TLK1: variants seen among roughly 807,000 people sequenced by gnomAD.
TLK1 encodes the protein tousled like kinase 1.
A neutral mutation model predicts 105.3 loss-of-function variants in TLK1; 24 were observed. The observed-to-expected ratio is 0.23, with a 90% CI of 0.17 to 0.32. The LOEUF (loss-of-function observed/expected upper bound fraction) is 0.32, where lower values mean the gene tolerates loss of function less well. Among genes scored for constraint, TLK1 ranks in the 10% least tolerant of loss-of-function variants. TLK1 has a pLI of 1.00. For missense variants in TLK1, 558 were observed against 910.5 expected, an observed-to-expected ratio of 0.61 and a Z score of 4.98; for synonymous variants, 321 against 310.4, an observed-to-expected ratio of 1.03 and a Z score of -0.36.
intron 14 of TLK1, among the ~76,000 whole-genome samples, chr2:171,010,264 T>A (rs1054178007): frequency 6.6e-6 from 1 of 151,902 alleles, no homozygotes; most frequent in Non-Finnish European, 1.5e-5. Flanking sequence ...ATACGATGGT[T>A]TTTGTGTTTT....
At chr2:171,154,497 T>A (rs974050946) in intron 1 of TLK1, 1 of 152,152 alleles carries the variant, frequency 6.6e-6, no homozygotes, top group Non-Finnish European at 1.5e-5. Flanking sequence ...AATTATCTGC[T>A]TCCTCATCTG....
chr2:171,188,015 G>A (rs143122940), intron 1 of TLK1, among the ~76,000 whole-genome samples: 21 of 152,304 alleles, frequency 1.4e-4, no homozygotes, highest in African/African-American at 4.8e-4. Flanking sequence ...GAGGGGCAAG[G>A]AGCAGGAATC....
chr2:171,160,966 A>AGCGGCG (rs546390551), upstream of TLK1: 124 of 155,428 alleles, frequency 8.0e-4, no homozygotes, highest in Admixed American at 1.4e-3. This position sits in a 1 kb window ranked among gnomAD's most constrained non-coding sequence, Gnocchi z 4.4. Context: ...CGCCTCCGGT[A>AGCGGCG]GCGGCGGCGG....
chr2:171,058,240 G>C (rs1455651508), intron 4 of TLK1, 43 bp from the exon 5 acceptor site: 19 of 1,571,690 alleles, frequency 1.2e-5, no homozygotes, highest in Middle Eastern at 1.7e-4. Flanking sequence ...GTAGTGATGG[G>C]CATCAAAAAA....
At chr2:171,115,761 G>A (rs1314348891) in intron 2 of TLK1, among the ~76,000 whole-genome samples, 2 of 152,038 alleles carry the variant, frequency 1.3e-5, no homozygotes, top group East Asian at 3.9e-4. Context: ...AAGAATCAAT[G>A]AATTGAACAA....
chr2:170,996,360 AAAT>A (rs1232961553), intron 20 of TLK1, among the ~76,000 whole-genome samples: 15 of 152,184 alleles, frequency 9.9e-5, no homozygotes, highest in African/African-American at 3.4e-4. Flanking sequence ...TAAGCAGATA[AAAT>A]AATACATAAA....
intron 1 of TLK1, among the ~76,000 whole-genome samples, chr2:171,144,024 G>C (rs1365550766): frequency 6.6e-6 from 1 of 152,166 alleles, no homozygotes; most frequent in Non-Finnish European, 1.5e-5. Flanking sequence ...CCATGCAAAA[G>C]AGCTGGCATG....
intron 2 of TLK1, among the ~76,000 whole-genome samples, chr2:171,112,894 C>T (rs975621037): frequency 6.6e-6 from 1 of 152,082 alleles, no homozygotes. Flanking sequence ...ATTTCATGTA[C>T]TTAAATAGGA....
intron 1 of TLK1, among the ~76,000 whole-genome samples, chr2:171,134,757 G>T (rs73013441): frequency 0.25 from 34,106 of 134,690 alleles, 4,602 homozygotes; most frequent in Middle Eastern, 0.34. Flanking sequence ...TTGAGACAGG[G>T]TCTTGCTCTG....
At chr2:171,074,814 C>G (rs1252595049) in intron 3 of TLK1, among the ~76,000 whole-genome samples, 1 of 151,830 alleles carries the variant, frequency 6.6e-6, no homozygotes, top group African/African-American at 2.4e-5. Flanking sequence ...ATAATTTAGA[C>G]AGCAAGATAG....
upstream of TLK1, among the ~76,000 whole-genome samples, chr2:171,163,451 A>T (rs1005740459): frequency 2.0e-5 from 3 of 152,194 alleles, no homozygotes; most frequent in African/African-American, 7.2e-5. Flanking sequence ...TTTAAGAGTA[A>T]GCTTAGTCAG....
chr2:171,040,697 C>T (rs1468539124), intron 11 of TLK1, among the ~76,000 whole-genome samples: 1 of 151,384 alleles, frequency 6.6e-6, no homozygotes, highest in Non-Finnish European at 1.5e-5. Flanking sequence ...CCACCTCAGC[C>T]TCCTGAGAAG....
intron 2 of TLK1, among the ~76,000 whole-genome samples, chr2:171,086,930 T>G (rs1689006215): frequency 6.6e-6 from 1 of 152,170 alleles, no homozygotes; most frequent in African/African-American, 2.4e-5. Context: ...GTCAGTGATC[T>G]ATGCAAAAAC....
chr2:171,222,392 C>A lies in TLK1; in HGVS notation c.-6+8753G>T, dbSNP rs12473480. Reference sequence around the variant, plus strand: ...CTCTGTTGCCGAGGCTGGAGTGGGACGATCACAGCTCCCTGCAGTGTTGAC... The same window carrying A: ...CTCTGTTGCCGAGGCTGGAGTGGGAAGATCACAGCTCCCTGCAGTGTTGAC... On this transcript the variant is annotated intron_variant, in intron 1 of 20. Transcript: ENST00000521943. Among the ~76,000 whole-genome samples, 4 of 152,070 alleles carry A rather than the reference C, an allele frequency of 2.6e-5. No homozygotes were observed. The South Asian group carries it at 8.3e-4, about 32-fold the overall frequency.
intron 1 of TLK1, among the ~76,000 whole-genome samples, chr2:171,185,770 C>A (rs1289230502): frequency 6.6e-6 from 1 of 152,194 alleles, no homozygotes; most frequent in African/African-American, 2.4e-5. Flanking sequence ...TATTGGTTTA[C>A]TTATCTTTCT....
chr2:171,189,678 AT>A (rs1262375617), intron 1 of TLK1, among the ~76,000 whole-genome samples: 2 of 152,216 alleles, frequency 1.3e-5, no homozygotes, highest in East Asian at 3.8e-4. Context: ...AACAGGAAAT[AT>A]GACAGATATT....
intron 1 of TLK1, among the ~76,000 whole-genome samples, chr2:171,203,619 T>C (rs1359056373): frequency 6.6e-6 from 1 of 152,208 alleles, no homozygotes; most frequent in African/African-American, 2.4e-5. Context: ...GGCTAACACA[T>C]TTTGGCTACT....
At chr2:171,112,719 A>C (rs904834398) in intron 2 of TLK1, among the ~76,000 whole-genome samples, 22 of 152,128 alleles carry the variant, frequency 1.4e-4, no homozygotes, top group Admixed American at 2.6e-4. Flanking sequence ...AGAGAACAGC[A>C]AGACTGCCAG....
chr2:171,115,607 C>T (rs1194891687), intron 2 of TLK1, among the ~76,000 whole-genome samples: 1 of 152,156 alleles, frequency 6.6e-6, no homozygotes, highest in Admixed American at 6.5e-5. Context: ...CAGAGGAATA[C>T]ATCTTACAAT....
Sources: gnomAD v4.1 joint callset for allele counts (sites outside exome capture counted in the v4.1 genomes callset) on GRCh38, gnomAD v4.1.1 for gene constraint, Gnocchi (gnomAD v3.1) non-coding constraint, MANE v1.5 for transcripts, NCBI Gene and HGNC (gene_info 2026-07-23, HGNC 2026-07-21) for gene names.